The following EPSTI1 variants were observed in gnomAD, a reference collection of about 807,000 sequenced individuals.
EPSTI1 encodes the protein epithelial-stromal interaction protein 1.
In EPSTI1, 66 loss-of-function variants were observed where a neutral mutation model predicts 49.9. The ratio of observed to expected loss-of-function variants is 1.32; its 90% confidence interval spans 1.08 to 1.62. The LOEUF is 1.62. Among genes scored for constraint, EPSTI1 ranks in the 40% most tolerant of loss-of-function variants. EPSTI1 has a pLI of 0.00. For synonymous variants in EPSTI1, 137 were observed against 130.7 expected, an observed-to-expected ratio of 1.05 and a Z score of -0.33; for missense variants, 394 against 365.5, an observed-to-expected ratio of 1.08 and a Z score of -0.64.
chr13:42,952,454 C>T (rs943251168), intron 6 of EPSTI1, among the ~76,000 whole-genome samples: 8 of 152,192 alleles, frequency 5.3e-5, no homozygotes, highest in Non-Finnish European at 1.2e-4. Flanking sequence ...GGCTGAGCCT[C>T]AAAATAAATT....
chr13:42,909,268 C>G (rs934664764), intron 8 of EPSTI1, among the ~76,000 whole-genome samples: 7 of 151,954 alleles, frequency 4.6e-5, no homozygotes, highest in Non-Finnish European at 1.0e-4. Context: ...AGGCTATCAT[C>G]AAAAAGGACA....
intron 6 of EPSTI1, among the ~76,000 whole-genome samples, chr13:42,947,980 G>A (rs1705420920): frequency 6.6e-6 from 1 of 152,212 alleles, no homozygotes; most frequent in South Asian, 2.1e-4. Context: ...CCAGGCCCCG[G>A]TCCTGCTGGG....
intron 8 of EPSTI1, 137 bp from the exon 9 acceptor site, chr13:42,900,520 T>C: frequency 1.3e-6 from 1 of 789,672 alleles, no homozygotes; most frequent in Non-Finnish European, 2.0e-6. Context: ...ACTATTTGGA[T>C]GTGAAATTAT....
chr13:42,954,519 G>A (rs2039200269), intron 5 of EPSTI1, among the ~76,000 whole-genome samples: 1 of 152,010 alleles, frequency 6.6e-6, no homozygotes, highest in Admixed American at 6.6e-5. Context: ...GCTGTTGAGG[G>A]ACTGAATAGC....
At chr13:42,906,784 G>A (rs1208244984) in intron 8 of EPSTI1, among the ~76,000 whole-genome samples, 2 of 152,116 alleles carry the variant, frequency 1.3e-5, no homozygotes, top group African/African-American at 4.8e-5. Flanking sequence ...ATACTAATGG[G>A]TGAAGTAGAG....
At chr13:42,970,509 G>A (rs887489126) in intron 2 of EPSTI1, 103 bp downstream of exon 2, 1 of 961,606 alleles carries the variant, frequency 1.0e-6, no homozygotes, top group Middle Eastern at 2.8e-4. Flanking sequence ...GATGAGATTT[G>A]GTGAGTCTAT....
chr13:42,989,082 T>C (rs1010708125), intron 1 of EPSTI1, among the ~76,000 whole-genome samples: 9 of 147,874 alleles, frequency 6.1e-5, no homozygotes, highest in African/African-American at 2.3e-4. Context: ...CTCCCTATGT[T>C]ACTCCTGGAC....
intron 5 of EPSTI1, among the ~76,000 whole-genome samples, chr13:42,960,141 T>C (rs2039403641): frequency 6.6e-6 from 1 of 152,182 alleles, no homozygotes; most frequent in South Asian, 2.1e-4. Flanking sequence ...AGGATGGCTG[T>C]ATCTGGAAAC....
chr13:42,925,606 C>G (rs960848940), intron 7 of EPSTI1, among the ~76,000 whole-genome samples: 8 of 152,188 alleles, frequency 5.3e-5, no homozygotes, highest in African/African-American at 1.9e-4. Context: ...GGGTCCTCAC[C>G]GTTCCTGCTC....
intron 6 of EPSTI1, among the ~76,000 whole-genome samples, chr13:42,938,059 G>A (rs9533309): frequency 1.3e-5 from 2 of 151,734 alleles, no homozygotes; most frequent in Admixed American, 6.6e-5. Flanking sequence ...GCATCTCAAA[G>A]TTAGCATGTT....
At chr13:42,964,438 C>G (rs1594740046) in intron 3 of EPSTI1, among the ~76,000 whole-genome samples, 1 of 152,266 alleles carries the variant, frequency 6.6e-6, no homozygotes, top group East Asian at 1.9e-4. Context: ...ACCTAAAGGT[C>G]TGTGCTAAAC....
At chr13:42,924,175 A>G (rs747770266) in intron 7 of EPSTI1, among the ~76,000 whole-genome samples, 5 of 152,262 alleles carry the variant, frequency 3.3e-5, no homozygotes, top group African/African-American at 4.8e-5. Context: ...CAGAATGAGA[A>G]GAGTATAATA....
intron 9 of EPSTI1, among the ~76,000 whole-genome samples, chr13:42,900,014 G>A (rs1427254134): frequency 6.6e-6 from 1 of 152,126 alleles, no homozygotes; most frequent in African/African-American, 2.4e-5. Context: ...TCCTACGGTA[G>A]GCAAATTAAA....
intron 8 of EPSTI1, among the ~76,000 whole-genome samples, chr13:42,911,506 C>T (rs1002839271): frequency 2.6e-5 from 4 of 152,132 alleles, no homozygotes; most frequent in Non-Finnish European, 5.9e-5. Flanking sequence ...AAATCACTTG[C>T]ATTTTCATTG....
intron 6 of EPSTI1, among the ~76,000 whole-genome samples, chr13:42,951,765 T>C (rs1369079230): frequency 2.0e-5 from 3 of 152,232 alleles, no homozygotes; most frequent in Non-Finnish European, 2.9e-5. Context: ...TCCAGTCCTG[T>C]GCCCAAGGCC....
chr13:42,927,028 C>CACAG (rs1385890761), intron 6 of EPSTI1, among the ~76,000 whole-genome samples: 2 of 144,086 alleles, frequency 1.4e-5, no homozygotes, highest in Non-Finnish European at 3.1e-5. Context: ...CACACACACA[C>CACAG]AGTCCTTTGC....
intron 10 of EPSTI1, among the ~76,000 whole-genome samples, chr13:42,894,675 GAAAAAA>G (rs61611018): frequency 1.4e-5 from 2 of 138,690 alleles, no homozygotes; most frequent in Non-Finnish European, 3.1e-5. Context: ...CCATATTTCT[GAAAAAA>G]AAAAAAAAAA....
intron 6 of EPSTI1, among the ~76,000 whole-genome samples, chr13:42,926,941 C>T (rs1297260043): frequency 2.0e-5 from 3 of 151,344 alleles, no homozygotes; most frequent in Non-Finnish European, 4.4e-5. Context: ...ATTTATGGAT[C>T]ATGGAGCCCT....
chr13:42,913,414 A>G (rs1053421026), intron 8 of EPSTI1, among the ~76,000 whole-genome samples: 3 of 152,224 alleles, frequency 2.0e-5, no homozygotes, highest in African/African-American at 4.8e-5. Flanking sequence ...GAATCAGACA[A>G]GATAGTCAAA....
Sources: allele counts gnomAD v4.1 joint callset (sites outside exome capture counted in the v4.1 genomes callset), GRCh38; gene constraint gnomAD v4.1.1; transcripts MANE v1.5; gene names NCBI Gene and HGNC (gene_info 2026-07-23, HGNC 2026-07-21).